DNAJC10: variants seen among roughly 807,000 people sequenced by gnomAD.
The protein encoded by DNAJC10 is endoplasmic reticulum disulfide reductase DNAJC10.
In DNAJC10, 101 loss-of-function variants were observed where a neutral mutation model predicts 115.0. The observed-to-expected ratio is 0.88, with a 90% CI of 0.75 to 1.04. The LOEUF is 1.04. Ranked by LOEUF, DNAJC10 falls within the 50% of genes least tolerant of loss-of-function variation. The probability of loss-of-function intolerance (pLI) is 0.00; values close to 1 mark genes in which losing one functional copy is unlikely to be tolerated. For synonymous variants in DNAJC10, 307 were observed against 301.5 expected (o/e 1.02, Z -0.19); for missense variants, 981 against 928.8 (o/e 1.06, Z -0.73).
intron 15 of DNAJC10, 126 bp from the exon 16 acceptor site, chr2:182,751,946 C>G (rs921291977): frequency 1.0e-5 from 12 of 1,186,490 alleles, no homozygotes; most frequent in South Asian, 2.8e-5. Context: ...AATGTAATTA[C>G]TCCTCCAGGG....
At chr2:182,754,209 A>G (rs1247310143) in intron 16 of DNAJC10, among the ~76,000 whole-genome samples, 1 of 152,198 alleles carries the variant, frequency 6.6e-6, no homozygotes, top group African/African-American at 2.4e-5. Context: ...TAATCAGTGA[A>G]TTATTTGAAT....
chr2:182,735,076 T>A (rs1165961232), intron 10 of DNAJC10, among the ~76,000 whole-genome samples: 1 of 151,796 alleles, frequency 6.6e-6, no homozygotes, highest in Non-Finnish European at 1.5e-5. Flanking sequence ...TAGTTTTATA[T>A]TTGTCCTACC....
intron 22 of DNAJC10, among the ~76,000 whole-genome samples, chr2:182,768,820 T>C (rs1385981893): frequency 6.6e-6 from 1 of 152,178 alleles, no homozygotes; most frequent in African/African-American, 2.4e-5. Context: ...TGGGAACATC[T>C]TTTTGTTTGT....
intron 3 of DNAJC10, among the ~76,000 whole-genome samples, chr2:182,719,798 C>CTTTTTTTTTTT (rs35682380): frequency 1.6e-5 from 2 of 122,200 alleles, no homozygotes; most frequent in Admixed American, 8.9e-5. Flanking sequence ...ACTTTTCTTA[C>CTTTTTTTTTTT]TTTTTTTTTT....
chr2:182,780,722 C>CA lies in DNAJC10; in HGVS notation c.*3591dup. Reference sequence around the variant, plus strand: ...ATTTACACTTAGATTCTTGTACTGTCACTGAGTCCCCTTGTAAACAGCTAG... The same window carrying CA: ...ATTTACACTTAGATTCTTGTACTGTCAACTGAGTCCCCTTGTAAACAGCTAG... On this transcript the variant is annotated 3_prime_UTR_variant, in exon 24 of 24. Transcript: ENST00000264065. The CA allele has an allele frequency of 6.6e-6, 1 of 152,256 alleles. No homozygotes were observed. The highest frequency in any genetic ancestry group is 2.4e-5 in the African/African-American group (1 of 41,564). The allele number at this position is 152,256 out of a possible 1,614,324, so 9.4% of individuals were successfully genotyped here.
rs1695039064 is a variant in DNAJC10, at chr2:182,790,955, C to T, written c.*13823C>T. ...AGTAACCATATTCTCTTTTACCCTCCTGTTCAACTGTCTATGCTCCTTCTC... is the reference window on the plus strand; with the variant it reads ...AGTAACCATATTCTCTTTTACCCTCTTGTTCAACTGTCTATGCTCCTTCTC... On this transcript the variant is annotated 3_prime_UTR_variant, in exon 24 of 24. Transcript: ENST00000264065. 6.6e-6 allele frequency: 1 copy of T among 152,086 alleles called. No homozygotes were observed. Among genetic ancestry groups the T allele is most frequent in the South Asian group, 2.1e-4 (1 of 4,822 alleles). The allele number at this position is 152,086 out of a possible 1,614,324, so 9.4% of individuals were successfully genotyped here.
chr2:182,755,788 C>CT, intron 17 of DNAJC10, among the ~76,000 whole-genome samples: 1 of 152,284 alleles, frequency 6.6e-6, no homozygotes, highest in East Asian at 1.9e-4. Flanking sequence ...ATTCTTGGTT[C>CT]TAGAACAGAA....
chr2:182,719,245 G>GTTT (rs1445121437), intron 3 of DNAJC10, among the ~76,000 whole-genome samples: 1 of 109,284 alleles, frequency 9.2e-6, no homozygotes, highest in Non-Finnish European at 1.8e-5. Context: ...ATTTTGGATT[G>GTTT]TTTTCTTTTT....
In DNAJC10 at chr2:182,762,759, G is replaced by A. The variant is rs771782640; in HGVS notation, c.2223G>A (p.Arg741=). 6.2e-7 allele frequency: 1 copy of A among 1,612,552 alleles called. No homozygotes were observed. The highest frequency in any genetic ancestry group is 1.1e-5 in the South Asian group (1 of 91,044). Residue 741 remains arginine (R), a synonymous_variant, in exon 22 of 24, where the codon AGG becomes AGA. Coordinates refer to ENST00000264065, the MANE Select transcript of DNAJC10 (RefSeq NM_018981.4). ...YAQTCQKAGI[R]AYPTVKFYFY... ...AGACATGCCAGAAAGCTGGGATCAGGGCCTATCCAACTGTTAAATTTTATT... is the reference window on the plus strand; with the variant it reads ...AGACATGCCAGAAAGCTGGGATCAGAGCCTATCCAACTGTTAAATTTTATT...
At chr2:182,753,579 G>GTTTTTTTTTTTTTTTTTTTTTTTTTTT (rs56151760) in intron 16 of DNAJC10, among the ~76,000 whole-genome samples, 1 of 99,400 alleles carries the variant, frequency 1.0e-5, no homozygotes, top group Non-Finnish European at 1.9e-5. Context: ...CTTTAGTTTA[G>GTTTTTTTTTTTTTTTTTTTTTTTTTTT]TTTTTTTTTT....
intron 22 of DNAJC10, among the ~76,000 whole-genome samples, chr2:182,770,157 C>G (rs1694522715): frequency 6.6e-6 from 1 of 152,156 alleles, no homozygotes; most frequent in Non-Finnish European, 1.5e-5. Context: ...GGGCTCTGTT[C>G]TGTTCCATTG....
In DNAJC10 at chr2:182,759,176, T is replaced by A. The variant is rs148785458; in HGVS notation, c.2014T>A (p.Ser672Thr). 6.3e-7 allele frequency: 1 copy of A among 1,582,756 alleles called. No individual in the cohort carries two copies. The highest frequency in any genetic ancestry group is 1.2e-5 in the South Asian group (1 of 84,928). The change falls in exon 21 of 24, where the codon TCC becomes ACC. Residue 672 changes from serine to threonine, a missense_variant. Coordinates refer to ENST00000264065, the MANE Select transcript of DNAJC10 (RefSeq NM_018981.4). ...IWGLGFLPQV[S>T]TDLTPQTFSE... The stretch of plus-strand genomic sequence containing the variant: ...TTGCCACAGATTTTTACCTCAAGTA[T>A]CCACAGATCTAACACCTCAGACTTT...
chr2:182,762,170 A>AAAGAG (rs4018697), intron 21 of DNAJC10, among the ~76,000 whole-genome samples: 1 of 149,164 alleles, frequency 6.7e-6, no homozygotes, highest in African/African-American at 2.5e-5. Context: ...AAAAAAAAAA[A>AAAGAG]AGAGAGAGAG....
chr2:182,746,038 T>G (rs1309073266), intron 14 of DNAJC10, among the ~76,000 whole-genome samples: 1 of 152,224 alleles, frequency 6.6e-6, no homozygotes, highest in East Asian at 1.9e-4. Flanking sequence ...ATTTCCAGTT[T>G]CATCCATGTC....
intron 9 of DNAJC10, among the ~76,000 whole-genome samples, chr2:182,731,552 A>C (rs1196020710): frequency 6.6e-6 from 1 of 152,142 alleles, no homozygotes; most frequent in Non-Finnish European, 1.5e-5. Flanking sequence ...TCTTCTAGGA[A>C]CCTTTCCTTG....
intron 11 of DNAJC10, chr2:182,739,441 A>G: frequency 1.2e-6 from 1 of 830,618 alleles, no homozygotes; most frequent in Non-Finnish European, 1.5e-6. Context: ...TTAAACTGTT[A>G]AACATAGATG....
chr2:182,773,744 G>C lies in DNAJC10; in HGVS notation c.2266-1572G>C, dbSNP rs564468536. On this transcript the variant is annotated intron_variant, in intron 22 of 23. Coordinates refer to ENST00000264065, the MANE Select transcript of DNAJC10 (RefSeq NM_018981.4). ...AGCCATTCGTCTAATCTTTTTTCAA[G>C]GTTTTTAGCTTCCTTGCAATGGGTT... 3.9e-5 allele frequency among the ~76,000 whole-genome samples: 6 copies of C among 152,218 alleles called. No homozygotes were observed. In the East Asian group the frequency reaches 1.2e-3, roughly 29 times the overall value.
At position 182,777,188 on chromosome 2, in the gene DNAJC10, G is replaced by A; in HGVS notation, c.*56G>A. On this transcript the variant is annotated 3_prime_UTR_variant, in exon 24 of 24. Transcript: ENST00000264065. ...GAAATTCTGACAGATGACATCAGAA[G>A]ACACCTATTTAGAATGTTACATTTA... 4 of 1,108,534 alleles carry A rather than the reference G, an allele frequency of 3.6e-6. No individual in the cohort carries two copies. Among genetic ancestry groups the A allele is most frequent in the Non-Finnish European group, 1.3e-6 (1 of 796,806 alleles). The allele number at this position is 1,108,534 out of a possible 1,614,324, so 68.7% of individuals were successfully genotyped here.
At chr2:182,721,915 T>G (rs1693159478) in intron 4 of DNAJC10, 110 bp from the exon 5 acceptor site, 3 of 591,802 alleles carry the variant, frequency 5.1e-6, no homozygotes, top group Admixed American at 7.1e-5. Context: ...GTTTGAGATA[T>G]AATATAGTAG....
Sources: allele counts gnomAD v4.1 joint callset (sites outside exome capture counted in the v4.1 genomes callset), GRCh38; gene constraint gnomAD v4.1.1; transcripts MANE v1.5; gene names NCBI Gene and HGNC (gene_info 2026-07-23, HGNC 2026-07-21).